Variants in ZBTB20 observed in about 807,000 individuals in gnomAD.
ZBTB20 encodes zinc finger and BTB domain containing 20, also known as zinc finger and BTB domain-containing protein 20.
In ZBTB20, 9 loss-of-function variants were observed where a neutral mutation model predicts 56.9. The observed-to-expected ratio is 0.16, with a 90% CI of 0.10 to 0.28. The LOEUF (loss-of-function observed/expected upper bound fraction) is 0.28. ZBTB20 is among the 10% of genes least tolerant of loss of function. The pLI is 1.00. For missense variants in ZBTB20, 655 were observed against 1,003.0 expected, an observed-to-expected ratio of 0.65 and a Z score of 4.69; for synonymous variants, 417 against 420.7, an observed-to-expected ratio of 0.99 and a Z score of 0.11.
chr3:115,119,650 T>C (rs2084123525), intron 1 of ZBTB20, among the ~76,000 whole-genome samples: 1 of 152,142 alleles, frequency 6.6e-6, no homozygotes, highest in Non-Finnish European at 1.5e-5. Context: ...ATAGAAAGCA[T>C]TCAATAAATT....
Position 114,944,408 on chromosome 3 carries a change from G to GA in ZBTB20, c.-456+29957dup, listed in dbSNP as rs544060677. ...AATGCAAATTGGGTACAGCCATTAT[G>GA]AAAAACAATATGAAGATTCTTCAAA... On this transcript the variant is annotated intron_variant, in intron 3 of 11. Transcript: ENST00000675478. 3.0e-4 allele frequency among the ~76,000 whole-genome samples: 44 copies of GA among 145,524 alleles called. 9 individuals are homozygous for GA. Among genetic ancestry groups the GA allele is most frequent in the African/African-American group, 1.2e-3 (42 of 35,770 alleles).
At chr3:114,776,864 A>C (rs2069642050) in intron 5 of ZBTB20, among the ~76,000 whole-genome samples, 1 of 152,214 alleles carries the variant, frequency 6.6e-6, no homozygotes, top group African/African-American at 2.4e-5. Context: ...GCACAAGGGC[A>C]TTCAACAGAA....
At chr3:115,079,417 C>A (rs1193922246) in intron 1 of ZBTB20, among the ~76,000 whole-genome samples, 1 of 151,356 alleles carries the variant, frequency 6.6e-6, no homozygotes, top group African/African-American at 2.4e-5. Context: ...GAGACAGAGT[C>A]TCCCTCTGTC....
chr3:114,809,482 TATA>T (rs1272168321), intron 4 of ZBTB20, among the ~76,000 whole-genome samples: 11 of 152,104 alleles, frequency 7.2e-5, no homozygotes, highest in South Asian at 2.1e-4. Context: ...TAATTTCCAT[TATA>T]ATATTTTTTA....
chr3:114,553,857 C>T (rs2050873236), intron 6 of ZBTB20, among the ~76,000 whole-genome samples: 2 of 152,116 alleles, frequency 1.3e-5, no homozygotes, highest in African/African-American at 2.4e-5. Flanking sequence ...CTTCCATATT[C>T]CCATAATGTG....
At chr3:115,027,911 C>A (rs1234958704) in intron 2 of ZBTB20, among the ~76,000 whole-genome samples, 1 of 150,594 alleles carries the variant, frequency 6.6e-6, no homozygotes, top group African/African-American at 2.4e-5. Flanking sequence ...TATTTAATTT[C>A]CTTTTTCAAA....
chr3:114,436,977 C>T (rs1199630062), intron 7 of ZBTB20, among the ~76,000 whole-genome samples: 1 of 152,134 alleles, frequency 6.6e-6, no homozygotes, highest in Non-Finnish European at 1.5e-5. Flanking sequence ...GCAAACATAC[C>T]ACGGAGGGGT....
chr3:114,716,132 T>C (rs2064462844), intron 5 of ZBTB20, among the ~76,000 whole-genome samples: 1 of 152,198 alleles, frequency 6.6e-6, no homozygotes, highest in African/African-American at 2.4e-5. Context: ...CTTTTTAAGG[T>C]AGAACATTTC....
At chr3:114,972,854 GAC>G (rs150823537) in intron 3 of ZBTB20, among the ~76,000 whole-genome samples, 23 of 149,300 alleles carry the variant, frequency 1.5e-4, no homozygotes, top group East Asian at 2.0e-4. Context: ...CTCTCTCACA[GAC>G]ACACACACAC....
intron 6 of ZBTB20, among the ~76,000 whole-genome samples, chr3:114,593,807 A>G (rs1203019357): frequency 6.6e-6 from 1 of 152,222 alleles, no homozygotes; most frequent in Non-Finnish European, 1.5e-5. Context: ...GGTGCCTATC[A>G]TTAGGCATCA....
intron 5 of ZBTB20, among the ~76,000 whole-genome samples, chr3:114,732,640 TCA>T (rs1198101016): frequency 6.6e-6 from 1 of 152,188 alleles, no homozygotes; most frequent in African/African-American, 2.4e-5. Flanking sequence ...TTTGTATTTT[TCA>T]GTCTTTAACT....
At chr3:114,698,478 A>C (rs1392345066) in intron 5 of ZBTB20, among the ~76,000 whole-genome samples, 1 of 152,104 alleles carries the variant, frequency 6.6e-6, no homozygotes, top group Non-Finnish European at 1.5e-5. Flanking sequence ...CCCATGCCAT[A>C]TAATGAATTC....
chr3:114,827,134 A>G (rs1465823197), intron 4 of ZBTB20, among the ~76,000 whole-genome samples: 1 of 151,756 alleles, frequency 6.6e-6, no homozygotes, highest in Non-Finnish European at 1.5e-5. Context: ...TTGCTAATCA[A>G]AATGAATAGT....
intron 4 of ZBTB20, among the ~76,000 whole-genome samples, chr3:114,847,672 G>A (rs548614684): frequency 2.2e-4 from 34 of 152,108 alleles, no homozygotes; most frequent in African/African-American, 8.2e-4. Context: ...TTTCTAGCTT[G>A]GCTCTCACCT....
At chr3:114,831,990 A>G (rs2073869839) in intron 4 of ZBTB20, among the ~76,000 whole-genome samples, 1 of 152,134 alleles carries the variant, frequency 6.6e-6, no homozygotes, top group African/African-American at 2.4e-5. Flanking sequence ...GCATGTTTAT[A>G]TCTGTTGACA....
intron 7 of ZBTB20, among the ~76,000 whole-genome samples, chr3:114,465,361 C>T (rs2092500114): frequency 1.3e-5 from 2 of 151,978 alleles, no homozygotes. Context: ...AAGTTTGGTC[C>T]AGAACAAAAG....
chr3:114,470,305 C>T (rs943164728), intron 7 of ZBTB20, among the ~76,000 whole-genome samples: 26 of 152,184 alleles, frequency 1.7e-4, no homozygotes, highest in African/African-American at 5.8e-4. Context: ...TGAAAAAGTA[C>T]TTAATTTATA....
chr3:114,581,522 A>G (rs2054629799), intron 6 of ZBTB20, among the ~76,000 whole-genome samples: 1 of 152,074 alleles, frequency 6.6e-6, no homozygotes, highest in South Asian at 2.1e-4. Context: ...ATGGCCCAAA[A>G]TATGAAAATC....
chr3:114,871,164 C>A (rs942899175), intron 4 of ZBTB20, among the ~76,000 whole-genome samples: 2 of 152,128 alleles, frequency 1.3e-5, no homozygotes. Flanking sequence ...GCTTTGTAAA[C>A]CACTGGCAAA....
Sources: allele counts gnomAD v4.1 joint callset (sites outside exome capture counted in the v4.1 genomes callset), GRCh38; gene constraint gnomAD v4.1.1; transcripts MANE v1.5; gene names NCBI Gene and HGNC (gene_info 2026-07-23, HGNC 2026-07-21).